Variants in MFHAS1 observed in about 807,000 individuals in gnomAD.
MFHAS1 encodes malignant fibrous histiocytoma-amplified sequence 1.
In MFHAS1, 50 loss-of-function variants were observed where a neutral mutation model predicts 70.4. The ratio of observed to expected loss-of-function variants is 0.71; its 90% CI spans 0.57 to 0.90. The LOEUF (loss-of-function observed/expected upper bound fraction) is 0.90. MFHAS1 is among the 40% of genes least tolerant of loss of function. The probability of loss-of-function intolerance (pLI) is 0.00; values close to 1 mark genes in which losing one functional copy is unlikely to be tolerated. For synonymous variants in MFHAS1, 952 were observed against 620.0 expected, an observed-to-expected ratio of 1.54 and a Z score of -7.96; for missense variants, 1,795 against 1,347.6, an observed-to-expected ratio of 1.33 and a Z score of -5.20.
chr8:8,872,788 A>AT (rs1386102722), intron 1 of MFHAS1, among the ~76,000 whole-genome samples: 1 of 152,106 alleles, frequency 6.6e-6, no homozygotes, highest in African/African-American at 2.4e-5. Flanking sequence ...AAAAATAAAA[A>AT]AAAAGATGGG....
intron 1 of MFHAS1, among the ~76,000 whole-genome samples, chr8:8,883,518 G>A (rs781215143): frequency 2.0e-5 from 3 of 151,714 alleles, no homozygotes; most frequent in South Asian, 4.2e-4. Context: ...GACGAGCCTG[G>A]CCAACATGGT....
intron 1 of MFHAS1, among the ~76,000 whole-genome samples, chr8:8,861,760 C>T (rs750955184): frequency 2.0e-5 from 3 of 152,204 alleles, no homozygotes; most frequent in Non-Finnish European, 4.4e-5. Flanking sequence ...CGGCCCCAGA[C>T]CTGCTTTCTG....
chr8:8,824,916 T>C (rs1376204132), intron 1 of MFHAS1, among the ~76,000 whole-genome samples: 3 of 152,254 alleles, frequency 2.0e-5, no homozygotes, highest in Non-Finnish European at 4.4e-5. Context: ...GATTTGCTTC[T>C]TCCAGTCAGA....
chr8:8,811,682 T>G (rs994561709), intron 1 of MFHAS1, among the ~76,000 whole-genome samples: 7 of 152,218 alleles, frequency 4.6e-5, no homozygotes, highest in African/African-American at 1.7e-4. Context: ...AGTGGGATTT[T>G]CCTTACTCAC....
At chr8:8,887,970 G>A (rs554552993) in intron 1 of MFHAS1, among the ~76,000 whole-genome samples, 6 of 151,270 alleles carry the variant, frequency 4.0e-5, no homozygotes, top group African/African-American at 7.3e-5. Flanking sequence ...AATAACATTC[G>A]TTTTTATTAC....
rs145225167 is a variant in MFHAS1, at chr8:8,877,769, C to G, written c.2998+12292G>C. 1.1e-4 allele frequency among the ~76,000 whole-genome samples: 17 copies of G among 152,286 alleles called. No homozygotes were observed. The East Asian group carries it at 3.1e-3, about 28-fold the overall frequency. ...TCCAAGGTCTCAAGAGAGCCCAGCCCAATGACAAAGGGACAGGCTAGAACA... is the reference window on the plus strand; with the variant it reads ...TCCAAGGTCTCAAGAGAGCCCAGCCGAATGACAAAGGGACAGGCTAGAACA... On this transcript the variant is annotated intron_variant, in intron 1 of 2. Transcript: ENST00000276282.
At chr8:8,833,434 G>A (rs920707885) in intron 1 of MFHAS1, among the ~76,000 whole-genome samples, 7 of 152,078 alleles carry the variant, frequency 4.6e-5, no homozygotes, top group African/African-American at 1.7e-4. Flanking sequence ...TTCAAGACCA[G>A]CCTGGGCAAC....
rs1201004819 is a variant in MFHAS1 at position 8,892,327 on chromosome 8, G to A, written c.732C>T (p.Ala244=). 6 of 1,611,980 alleles carry A rather than the reference G, an allele frequency of 3.7e-6. No individual in the cohort carries two copies. The highest frequency in any genetic ancestry group is 1.3e-5 in the African/African-American group (1 of 74,914). ...LSGAELGTLP[A]GFCELASLES... ...CCAAACTGGCCAGCTCGCAGAAGCC[G>A]GCGGGCAGCGTGCCAAGCTCGGCCC... Residue 244 remains alanine, a synonymous_variant, in exon 1 of 3, where the codon GCC becomes GCT. Coordinates refer to ENST00000276282, the MANE Select transcript of MFHAS1 (RefSeq NM_004225.3). This position sits in a 1 kb window ranked among gnomAD's most constrained non-coding sequence, Gnocchi z 4.7.
chr8:8,867,051 T>C (rs1808886239), intron 1 of MFHAS1, among the ~76,000 whole-genome samples: 1 of 152,232 alleles, frequency 6.6e-6, no homozygotes, highest in Non-Finnish European at 1.5e-5. Context: ...TATGATCTAT[T>C]TTTAGCTTAC....
intron 1 of MFHAS1, among the ~76,000 whole-genome samples, chr8:8,867,435 A>T (rs1466680341): frequency 6.6e-6 from 1 of 152,216 alleles, no homozygotes; most frequent in Non-Finnish European, 1.5e-5. Context: ...GTCGCACAGA[A>T]AATTTTTTTT....
chr8:8,804,246 A>G (rs1270892796), intron 1 of MFHAS1, among the ~76,000 whole-genome samples: 1 of 152,154 alleles, frequency 6.6e-6, no homozygotes, highest in African/African-American at 2.4e-5. Flanking sequence ...AACCGTTTTC[A>G]TTTTCAGCAC....
rs1182622596 is a variant in MFHAS1, at chr8:8,783,378, T to C, written c.*2644A>G. 2 of 152,260 alleles carry C rather than the reference T, an allele frequency of 1.3e-5. No individual in the cohort carries two copies. The highest frequency in any genetic ancestry group is 4.8e-5 in the African/African-American group (2 of 41,474). The allele number at this position is 152,260 out of a possible 1,614,324, so 9.4% of individuals were successfully genotyped here. On this transcript the variant is annotated 3_prime_UTR_variant, in exon 3 of 3. Coordinates refer to ENST00000276282, the MANE Select transcript of MFHAS1 (RefSeq NM_004225.3). ...GTTTAACCATTTCTTTGTATTTTTA[T>C]TGATTTTTCTTTTTTAATTTCTGCC...
chr8:8,887,028 G>A (rs1424581678), intron 1 of MFHAS1, among the ~76,000 whole-genome samples: 1 of 152,200 alleles, frequency 6.6e-6, no homozygotes, highest in Non-Finnish European at 1.5e-5. Flanking sequence ...TTGGGAGGCT[G>A]AGGCAGGAGA....
intron 1 of MFHAS1, among the ~76,000 whole-genome samples, chr8:8,831,894 G>A (rs1173752998): frequency 1.3e-5 from 2 of 152,104 alleles, no homozygotes; most frequent in African/African-American, 4.8e-5. Context: ...TTACAGGTGT[G>A]AGCTACCGCC....
At chr8:8,875,291 C>G (rs1233098538) in intron 1 of MFHAS1, among the ~76,000 whole-genome samples, 1 of 151,924 alleles carries the variant, frequency 6.6e-6, no homozygotes, top group Admixed American at 6.6e-5. Context: ...AAACTGGGAA[C>G]AAGAGCACAA....
At chr8:8,799,649 G>C (rs761990096) in intron 1 of MFHAS1, among the ~76,000 whole-genome samples, 6 of 152,082 alleles carry the variant, frequency 3.9e-5, no homozygotes, top group Non-Finnish European at 7.4e-5. Context: ...TCAGGTATTC[G>C]GGAGGCTGAG....
intron 1 of MFHAS1, among the ~76,000 whole-genome samples, chr8:8,812,163 G>C (rs920885699): frequency 8.4e-6 from 1 of 119,418 alleles, no homozygotes; most frequent in Non-Finnish European, 1.9e-5. Flanking sequence ...ACATGGCTCG[G>C]AGAAGCCCGT....
Position 8,829,215 on chromosome 8 carries a change from C to T in MFHAS1, c.2999-31724G>A, listed in dbSNP as rs1003935252. ...GAGCGCCCTCCCAGAACCCCTTCCC[C>T]ATCCTGAGTCTGGCAGATTCCAACT... On this transcript the variant is annotated intron_variant, in intron 1 of 2. Transcript: ENST00000276282. Among the ~76,000 whole-genome samples, 64 of 152,240 alleles carry T rather than the reference C, an allele frequency of 4.2e-4. 2 individuals carry two copies. The highest frequency in any genetic ancestry group is 2.0e-4 in the Admixed American group (3 of 15,286).
At chr8:8,870,864 T>C (rs915251703) in intron 1 of MFHAS1, among the ~76,000 whole-genome samples, 3 of 152,202 alleles carry the variant, frequency 2.0e-5, no homozygotes, top group Non-Finnish European at 2.9e-5. Flanking sequence ...CAAATGTTTA[T>C]AGTCCAGTAC....
Sources: gnomAD v4.1 joint callset for allele counts (sites outside exome capture counted in the v4.1 genomes callset) on GRCh38, gnomAD v4.1.1 for gene constraint, Gnocchi (gnomAD v3.1) non-coding constraint, MANE v1.5 for transcripts, NCBI Gene and HGNC (gene_info 2026-07-23, HGNC 2026-07-21) for gene names.